DPY19L3: variants seen among roughly 807,000 people sequenced by gnomAD.
DPY19L3 encodes dpy-19 like C-mannosyltransferase 3.
In DPY19L3, 51 loss-of-function variants were observed where a neutral mutation model predicts 92.3. The observed-to-expected ratio is 0.55, with a 90% confidence interval of 0.44 to 0.70. The LOEUF is 0.70. Ranked by LOEUF, DPY19L3 falls within the 30% of genes least tolerant of loss-of-function variation. The pLI, the probability that DPY19L3 is intolerant of heterozygous loss-of-function variation, is 0.00. For missense variants in DPY19L3, 706 were observed against 855.9 expected, an observed-to-expected ratio of 0.82 and a Z score of 2.18; for synonymous variants, 309 against 315.2, an observed-to-expected ratio of 0.98 and a Z score of 0.21.
chr19:32,438,513 A>T (rs930417082), intron 6 of DPY19L3, among the ~76,000 whole-genome samples: 6 of 152,048 alleles, frequency 3.9e-5, no homozygotes, highest in African/African-American at 1.4e-4. Flanking sequence ...TCTATCTTTT[A>T]TAGAGAGATA....
intron 3 of DPY19L3, chr19:32,412,825 G>T (rs780936517): frequency 1.3e-5 from 2 of 152,106 alleles, no homozygotes; most frequent in Non-Finnish European, 1.5e-5. Flanking sequence ...AGCTACTCAG[G>T]AGGCTGAGGC....
intron 2 of DPY19L3, among the ~76,000 whole-genome samples, chr19:32,409,068 A>C (rs1968084881): frequency 1.3e-5 from 2 of 152,242 alleles, no homozygotes; most frequent in African/African-American, 2.4e-5. Flanking sequence ...CAATTCAGGG[A>C]AACAGTTTAA....
intron 3 of DPY19L3, among the ~76,000 whole-genome samples, chr19:32,420,622 G>C (rs1334212210): frequency 2.6e-5 from 4 of 152,124 alleles, no homozygotes; most frequent in East Asian, 1.9e-4. Flanking sequence ...GCTAACTTTT[G>C]TATTTTTAGT....
chr19:32,477,452 A>G, intron 16 of DPY19L3, 70 bp from the exon 17 acceptor site: 4 of 1,581,048 alleles, frequency 2.5e-6, no homozygotes, highest in Non-Finnish European at 3.5e-6. Flanking sequence ...AAAAAGTTTG[A>G]TATTGTCTTC....
intron 8 of DPY19L3, among the ~76,000 whole-genome samples, 181 bp downstream of exon 8, chr19:32,440,091 AC>A (rs1371836699): frequency 2.0e-5 from 3 of 152,236 alleles, no homozygotes; most frequent in African/African-American, 7.2e-5. Flanking sequence ...GACCATCTTA[AC>A]TTTTATTCGC....
Position 32,437,227 on chromosome 19 carries a change from A to G in DPY19L3, c.484A>G (p.Thr162Ala), listed in dbSNP as rs753442018. The change falls in exon 6 of 19, where the codon ACC (threonine) becomes GCC (alanine). Residue 162 changes from threonine to alanine, a missense_variant. Coordinates refer to ENST00000392250, the MANE Select transcript of DPY19L3 (RefSeq NM_001172774.2). The part of the protein sequence containing the change: ...YLEPVYFYIY[T>A]LFGLQAIYVT... ...AGAGCCAGTTTATTTTTATATTTAC[A>G]CCTTATTTGGGCTCCAGGCGATCTA... The G allele has an allele frequency of 1.4e-5, 22 of 1,613,420 alleles. No homozygotes were observed. Among genetic ancestry groups the G allele is most frequent in the East Asian group, 1.1e-4 (5 of 44,852 alleles).
At chr19:32,434,257 C>T (rs1180783163) in intron 4 of DPY19L3, among the ~76,000 whole-genome samples, 2 of 152,142 alleles carry the variant, frequency 1.3e-5, no homozygotes, top group African/African-American at 2.4e-5. Context: ...CTGAATGAGG[C>T]GACACTCTGC....
At position 32,408,249 on chromosome 19, in the gene DPY19L3, A is replaced by T; in HGVS notation, c.-5A>T. 2.5e-6 allele frequency: 4 copies of T among 1,607,892 alleles called. No homozygotes were observed. Among genetic ancestry groups the T allele is most frequent in the Non-Finnish European group, 3.4e-6 (4 of 1,176,226 alleles). On this transcript the variant is annotated 5_prime_UTR_variant, in exon 2 of 19. Coordinates refer to ENST00000392250, the MANE Select transcript of DPY19L3 (RefSeq NM_001172774.2). ...TTGGAGAACAATGCATGTAAGTCTG[A>T]CATCATGATGTCCATCCGGCAAAGA...
At chr19:32,464,700 T>G (rs750993007) in intron 14 of DPY19L3, 28 bp from the exon 15 acceptor site, 2 of 1,345,718 alleles carry the variant, frequency 1.5e-6, no homozygotes, top group South Asian at 1.4e-5. Flanking sequence ...AAAATACTTA[T>G]AATCTAAATA....
chr19:32,453,346 T>G, intron 9 of DPY19L3, 70 bp downstream of exon 9: 1 of 1,454,364 alleles, frequency 6.9e-7, no homozygotes. Context: ...GAACCTTATT[T>G]TCACACAGCA....
rs369112109 is a variant in DPY19L3 at position 32,477,552 on chromosome 19, G to A, written c.1728G>A (p.Ala576=). 52 of 1,613,984 alleles carry A rather than the reference G, an allele frequency of 3.2e-5. No homozygotes were observed. Among genetic ancestry groups the A allele is most frequent in the African/African-American group, 4.0e-5 (3 of 74,884 alleles). ...ACACTCCAAGAAAGGCTGTGTTTGC[G>A]GGAAGCATGCAGTTGCTGGCCGGAG... The part of the protein sequence containing the change: ...NSNTPRKAVF[A]GSMQLLAGVK... Residue 576 remains alanine (A), a synonymous_variant, in exon 17 of 19, where the codon GCG becomes GCA. Transcript: ENST00000392250.
rs1255225367 is a variant in DPY19L3 at position 32,432,771 on chromosome 19, A to G, written c.293A>G (p.Tyr98Cys). 6.2e-7 allele frequency: 1 copy of G among 1,613,926 alleles called. No homozygotes were observed. The highest frequency in any genetic ancestry group is 1.1e-5 in the South Asian group (1 of 91,080). Residue 98 changes from tyrosine to cysteine, a missense_variant, in exon 4 of 19, where the codon TAC becomes TGC. Coordinates refer to ENST00000392250, the MANE Select transcript of DPY19L3 (RefSeq NM_001172774.2). ...GAGTGTGGCCTGTATTACTCCTACTACAAGCAGATGCTGCAGGCTCCAACC... is the reference window on the plus strand; with the variant it reads ...GAGTGTGGCCTGTATTACTCCTACTGCAAGCAGATGCTGCAGGCTCCAACC... ...RTECGLYYSY[Y>C]KQMLQAPTLV...
intron 3 of DPY19L3, among the ~76,000 whole-genome samples, chr19:32,414,525 C>G (rs1470585627): frequency 6.6e-6 from 1 of 151,032 alleles, no homozygotes; most frequent in African/African-American, 2.4e-5. Context: ...ACTCAGGAGG[C>G]AGAGGTTGCA....
intron 17 of DPY19L3, among the ~76,000 whole-genome samples, chr19:32,479,198 C>A (rs76783530): frequency 6.6e-6 from 1 of 152,092 alleles, no homozygotes; most frequent in South Asian, 2.1e-4. Context: ...CATTTGAATT[C>A]AGACTCCTGC....
intron 3 of DPY19L3, among the ~76,000 whole-genome samples, chr19:32,425,973 G>A (rs973795930): frequency 5.3e-5 from 8 of 152,186 alleles, no homozygotes; most frequent in South Asian, 2.1e-4. Context: ...GTAAAAGTCC[G>A]AGATGGCATC....
At chr19:32,445,564 C>T (rs747828012) in intron 8 of DPY19L3, among the ~76,000 whole-genome samples, 3 of 151,466 alleles carry the variant, frequency 2.0e-5, no homozygotes, top group Non-Finnish European at 2.9e-5. Context: ...GCAGTCCTAC[C>T]GTAAGAGAAT....
At chr19:32,416,756 C>T (rs1261929280) in intron 3 of DPY19L3, among the ~76,000 whole-genome samples, 1 of 152,202 alleles carries the variant, frequency 6.6e-6, no homozygotes, top group African/African-American at 2.4e-5. Context: ...TATGTGGAGC[C>T]AACCAAAGAA....
At chr19:32,471,256 G>A (rs1039294138) in intron 16 of DPY19L3, among the ~76,000 whole-genome samples, 3 of 152,196 alleles carry the variant, frequency 2.0e-5, no homozygotes, top group African/African-American at 2.4e-5. Flanking sequence ...AGAGTCCCAA[G>A]ACGCCTGGCA....
chr19:32,455,122 T>C (rs9710438), intron 10 of DPY19L3, 82 bp downstream of exon 10: 1 of 976,282 alleles, frequency 1.0e-6, no homozygotes, highest in East Asian at 2.8e-5. Flanking sequence ...TTTCTTTTTC[T>C]TTTTTAATAA....
Sources: allele counts gnomAD v4.1 joint callset (sites outside exome capture counted in the v4.1 genomes callset), GRCh38; gene constraint gnomAD v4.1.1; transcripts MANE v1.5; gene names NCBI Gene and HGNC (gene_info 2026-07-23, HGNC 2026-07-21).